Variants in SORCS3 observed in about 807,000 individuals in gnomAD.
The protein encoded by SORCS3 is sortilin related VPS10 domain containing receptor 3.
Under a neutral mutation model 146.3 loss-of-function variants are expected in SORCS3, and 57 were observed. The observed-to-expected ratio is 0.39, with a 90% CI of 0.31 to 0.49. The LOEUF (loss-of-function observed/expected upper bound fraction) is 0.49. Among genes scored for constraint, SORCS3 ranks in the 20% least tolerant of loss-of-function variants. SORCS3 has a pLI of 0.92. For missense variants in SORCS3, 1,341 were observed against 1,575.5 expected (o/e 0.85, Z 2.52); for synonymous variants, 653 against 618.5 (o/e 1.06, Z -0.83).
chr10:105,263,366 A>C lies in SORCS3; in HGVS notation c.3661A>C (p.Ser1221Arg). 1 of 1,614,066 alleles carries C rather than the reference A, an allele frequency of 6.2e-7. No homozygotes were observed. The highest frequency in any genetic ancestry group is 8.5e-7 in the Non-Finnish European group (1 of 1,179,932). The change falls in exon 27 of 27, where the codon AGT becomes CGT. Residue 1221 changes from serine to arginine, a missense_variant. Coordinates refer to ENST00000369701, the MANE Select transcript of SORCS3 (RefSeq NM_014978.3). Reference protein sequence around the residue: ...ESTKEIPNCTSV With the variant: ...ESTKEIPNCTRV ...CACAAAGGAGATCCCCAACTGCACT[A>C]GTGTTTAATACCAGCAAGCCACGTG...
intron 4 of SORCS3, among the ~76,000 whole-genome samples, chr10:105,036,633 T>C (rs1319825359): frequency 1.3e-5 from 2 of 152,182 alleles, no homozygotes; most frequent in Non-Finnish European, 2.9e-5. Context: ...TGTTGAAGAC[T>C]TTCTGAGGAA....
intron 2 of SORCS3, among the ~76,000 whole-genome samples, chr10:104,905,195 C>A (rs2018893083): frequency 6.6e-6 from 1 of 152,130 alleles, no homozygotes; most frequent in South Asian, 2.1e-4. Context: ...GAGAGCAGAG[C>A]AATCACTCCA....
At position 105,093,691 on chromosome 10, in the gene SORCS3, C is replaced by G. The variant is rs572365166; in HGVS notation, c.1093+3852C>G. On this transcript the variant is annotated intron_variant, in intron 6 of 26. Transcript: ENST00000369701. ...AAATTAAAACCATAGTGATATATCA[C>G]TATATATCTATTGTTATCACCAAAA... is the stretch of plus-strand genomic sequence containing the variant. 3.3e-5 allele frequency among the ~76,000 whole-genome samples: 5 copies of G among 152,156 alleles called. No individual in the cohort carries two copies. In the South Asian group the frequency reaches 1.0e-3, roughly 32 times the overall value.
rs1564706313 is a variant in SORCS3 at position 104,887,961 on chromosome 10, G to GC, written c.696-27872_696-27871insC. ...CCTTCCCAGCAACATGGTGGGGGCG[G>GC]GGGGGCGGGGGCGGAGCAAGCCCAT... On this transcript the variant is annotated intron_variant, in intron 2 of 26. Coordinates refer to ENST00000369701, the MANE Select transcript of SORCS3 (RefSeq NM_014978.3). 2.3e-4 allele frequency among the ~76,000 whole-genome samples: 29 copies of GC among 126,982 alleles called. 2 individuals carry two copies. Among genetic ancestry groups the GC allele is most frequent in the African/African-American group, 8.7e-4 (26 of 29,968 alleles). The allele number at this position is 126,982 out of a possible 152,430, so 83.3% of individuals were successfully genotyped here. A position where few individuals can be genotyped will look rare whatever the true frequency, so the allele number is the denominator to read the frequency against.
intron 1 of SORCS3, among the ~76,000 whole-genome samples, chr10:104,736,432 A>C (rs1041470855): frequency 2.6e-5 from 4 of 152,222 alleles, no homozygotes; most frequent in Admixed American, 1.3e-4. Context: ...TCCACATGGT[A>C]CACGGACACA....
At chr10:104,761,065 C>T (rs541587206) in intron 1 of SORCS3, among the ~76,000 whole-genome samples, 1 of 152,246 alleles carries the variant, frequency 6.6e-6, no homozygotes, top group African/African-American at 2.4e-5. Flanking sequence ...GGAAATCCTA[C>T]CTCCTTGAAT....
At chr10:105,052,259 A>G (rs1489262389) in intron 5 of SORCS3, among the ~76,000 whole-genome samples, 1 of 152,166 alleles carries the variant, frequency 6.6e-6, no homozygotes, top group African/African-American at 2.4e-5. Flanking sequence ...AGACAGCCAC[A>G]TCCACTCACC....
intron 2 of SORCS3, among the ~76,000 whole-genome samples, chr10:104,879,932 C>T (rs182988161): frequency 1.3e-5 from 2 of 152,272 alleles, no homozygotes; most frequent in African/African-American, 4.8e-5. Context: ...TTTAATCCCC[C>T]ACCTCTTTCT....
chr10:104,656,759 A>G (rs1392247559), intron 1 of SORCS3, among the ~76,000 whole-genome samples: 3 of 152,216 alleles, frequency 2.0e-5, no homozygotes, highest in South Asian at 4.1e-4. Context: ...AATGTACATT[A>G]AAAAATCACT....
intron 3 of SORCS3, among the ~76,000 whole-genome samples, chr10:104,933,913 TC>T (rs1166545510): frequency 6.6e-6 from 1 of 152,080 alleles, no homozygotes; most frequent in Non-Finnish European, 1.5e-5. Context: ...TCTTGCCTCA[TC>T]CTCTCGAGTA....
At chr10:104,883,979 G>GCGT (rs1554856922) in intron 2 of SORCS3, among the ~76,000 whole-genome samples, 8 of 149,018 alleles carry the variant, frequency 5.4e-5, no homozygotes, top group African/African-American at 2.1e-4. Context: ...GTGGAATGAG[G>GCGT]GGGGGGAAAG....
At chr10:105,113,456 T>C (rs1458949346) in intron 7 of SORCS3, among the ~76,000 whole-genome samples, 1 of 152,192 alleles carries the variant, frequency 6.6e-6, no homozygotes, top group Non-Finnish European at 1.5e-5. Context: ...TCCCATGACA[T>C]TAAAAATTTT....
chr10:105,178,618 C>T (rs546119753), intron 14 of SORCS3, among the ~76,000 whole-genome samples: 2 of 152,214 alleles, frequency 1.3e-5, no homozygotes, highest in East Asian at 3.9e-4. Flanking sequence ...CACACACAAA[C>T]ACACACAGAC....
chr10:104,964,071 T>G (rs2054812626), intron 3 of SORCS3, among the ~76,000 whole-genome samples: 1 of 152,158 alleles, frequency 6.6e-6, no homozygotes, highest in Non-Finnish European at 1.5e-5. Flanking sequence ...CTCCCTGGTC[T>G]CTTTGATTTT....
intron 10 of SORCS3, among the ~76,000 whole-genome samples, chr10:105,158,654 G>A (rs905060093): frequency 6.6e-6 from 1 of 151,998 alleles, no homozygotes; most frequent in Non-Finnish European, 1.5e-5. Flanking sequence ...GGAAAGGCAC[G>A]AGATTGTGGT....
chr10:104,797,746 T>C (rs2017573873), intron 1 of SORCS3, among the ~76,000 whole-genome samples: 1 of 152,174 alleles, frequency 6.6e-6, no homozygotes, highest in Non-Finnish European at 1.5e-5. Context: ...CTTAGCTAAC[T>C]TTTTCTTGAA....
At chr10:104,864,248 A>C (rs1230283848) in intron 2 of SORCS3, among the ~76,000 whole-genome samples, 1 of 152,184 alleles carries the variant, frequency 6.6e-6, no homozygotes, top group East Asian at 1.9e-4. Flanking sequence ...AGCCTTAAAA[A>C]AATTTTTAAA....
At chr10:105,123,526 A>T (rs1196518203) in intron 7 of SORCS3, among the ~76,000 whole-genome samples, 2 of 152,200 alleles carry the variant, frequency 1.3e-5, no homozygotes, top group African/African-American at 4.8e-5. Flanking sequence ...GTAAAAAAGA[A>T]ATAAAAATCC....
intron 3 of SORCS3, among the ~76,000 whole-genome samples, chr10:104,927,394 T>C (rs2019159196): frequency 6.6e-6 from 1 of 152,192 alleles, no homozygotes; most frequent in South Asian, 2.1e-4. Flanking sequence ...AGTAATTGTT[T>C]AGGCAGAGCC....
Sources: gnomAD v4.1 joint callset for allele counts (sites outside exome capture counted in the v4.1 genomes callset) on GRCh38, gnomAD v4.1.1 for gene constraint, MANE v1.5 for transcripts, NCBI Gene and HGNC (gene_info 2026-07-23, HGNC 2026-07-21) for gene names.